CNST: variants seen among roughly 807,000 people sequenced by gnomAD.
The protein encoded by CNST is consortin.
A neutral mutation model predicts 72.4 loss-of-function variants in CNST; 39 were observed. The observed-to-expected ratio is 0.54, with a 90% CI of 0.42 to 0.70. CNST has a LOEUF of 0.70. Ranked by LOEUF, CNST falls within the 30% of genes least tolerant of loss-of-function variation. CNST has a pLI of 0.00. For synonymous variants in CNST, 332 were observed against 320.1 expected, an observed-to-expected ratio of 1.04 and a Z score of -0.40; for missense variants, 871 against 868.5, an observed-to-expected ratio of 1.00 and a Z score of -0.04.
chr1:246,665,619 A>G, intron 10 of CNST, 81 bp from the exon 11 acceptor site: 2 of 1,145,306 alleles, frequency 1.7e-6, no homozygotes, highest in African/African-American at 1.5e-5. Flanking sequence ...ATGTGTAGTT[A>G]TCTTAATTAG....
chr1:246,646,305 ATTTGC>A (rs1666069454), intron 8 of CNST, among the ~76,000 whole-genome samples: 1 of 149,434 alleles, frequency 6.7e-6, no homozygotes, highest in African/African-American at 2.5e-5. Context: ...GTTGCAAGTA[ATTTGC>A]AAACACATTT....
intron 8 of CNST, among the ~76,000 whole-genome samples, chr1:246,644,106 AAT>A (rs943328464): frequency 1.3e-5 from 2 of 152,142 alleles, no homozygotes; most frequent in Non-Finnish European, 2.9e-5. Flanking sequence ...TAAGCTATTA[AAT>A]AGTCTCATTT....
At chr1:246,645,973 C>A (rs1448236208) in intron 8 of CNST, among the ~76,000 whole-genome samples, 1 of 151,984 alleles carries the variant, frequency 6.6e-6, no homozygotes, top group Non-Finnish European at 1.5e-5. Flanking sequence ...TTATTGCTAC[C>A]CTTTGCTACC....
intron 3 of CNST, among the ~76,000 whole-genome samples, chr1:246,626,674 C>CT (rs1488990238): frequency 6.6e-6 from 1 of 151,896 alleles, no homozygotes; most frequent in African/African-American, 2.4e-5. Flanking sequence ...CCAGGCTGGT[C>CT]TCAAACTCCT....
chr1:246,625,890 CG>C (rs1011516685), intron 3 of CNST, among the ~76,000 whole-genome samples: 1 of 152,070 alleles, frequency 6.6e-6, no homozygotes, highest in Non-Finnish European at 1.5e-5. Flanking sequence ...TTGTTAAATC[CG>C]GTGGTCAGAC....
chr1:246,578,400 T>C (rs6675922), intron 1 of CNST, among the ~76,000 whole-genome samples: 1,595 of 152,118 alleles, frequency 0.01, 52 homozygotes, highest in African/African-American at 0.034. Flanking sequence ...CGGCTGGGCG[T>C]GGTGGCTCAC....
intron 9 of CNST, among the ~76,000 whole-genome samples, chr1:246,659,461 G>T (rs950073937): frequency 2.4e-4 from 37 of 152,186 alleles, no homozygotes; most frequent in African/African-American, 8.0e-4. Flanking sequence ...CGAGCATGGT[G>T]GCGGGTGCCT....
At chr1:246,644,146 A>G (rs1665892011) in intron 8 of CNST, among the ~76,000 whole-genome samples, 2 of 152,144 alleles carry the variant, frequency 1.3e-5, no homozygotes, top group South Asian at 4.1e-4. Context: ...CATGCCTGTA[A>G]TCCCAGCACT....
chr1:246,625,889 C>A (rs1457088294), intron 3 of CNST, among the ~76,000 whole-genome samples: 1 of 152,126 alleles, frequency 6.6e-6, no homozygotes, highest in Non-Finnish European at 1.5e-5. Context: ...GTTGTTAAAT[C>A]CGGTGGTCAG....
intron 10 of CNST, among the ~76,000 whole-genome samples, chr1:246,665,243 C>T (rs1220203231): frequency 6.6e-6 from 1 of 150,546 alleles, no homozygotes; most frequent in African/African-American, 2.4e-5. Context: ...CATGGTGGCA[C>T]AGGCCTGTAG....
At chr1:246,654,670 C>T (rs1315061765) in intron 9 of CNST, among the ~76,000 whole-genome samples, 1 of 152,186 alleles carries the variant, frequency 6.6e-6, no homozygotes, top group Non-Finnish European at 1.5e-5. Context: ...TAAATAACAG[C>T]CACTATACAC....
chr1:246,619,865 G>A (rs1002659335), intron 2 of CNST, among the ~76,000 whole-genome samples: 98 of 150,692 alleles, frequency 6.5e-4, no homozygotes, highest in African/African-American at 2.1e-3. Context: ...GCATACACAC[G>A]ATGGGCTCTG....
At chr1:246,613,445 C>T (rs1308853933) in intron 2 of CNST, among the ~76,000 whole-genome samples, 2 of 151,750 alleles carry the variant, frequency 1.3e-5, no homozygotes, top group East Asian at 1.9e-4. Flanking sequence ...TTTCAGTAAT[C>T]GTCTCTGAAT....
At chr1:246,652,426 A>G (rs915755741) in intron 9 of CNST, among the ~76,000 whole-genome samples, 9 of 152,236 alleles carry the variant, frequency 5.9e-5, no homozygotes, top group Non-Finnish European at 1.2e-4. Flanking sequence ...AATGTTGGAT[A>G]CATTTTACGA....
At chr1:246,572,944 C>T (rs114700345) in intron 1 of CNST, among the ~76,000 whole-genome samples, 3 of 152,056 alleles carry the variant, frequency 2.0e-5, no homozygotes, top group Non-Finnish European at 1.5e-5. Flanking sequence ...AAAAAGTTTA[C>T]TTAAATTGGA....
intron 10 of CNST, among the ~76,000 whole-genome samples, chr1:246,660,980 T>G (rs903254538): frequency 2.0e-5 from 3 of 147,276 alleles, no homozygotes; most frequent in Admixed American, 6.8e-5. Flanking sequence ...TGTTTTTTTG[T>G]TTTTTTTTTA....
At chr1:246,655,099 C>T (rs546792656) in intron 9 of CNST, among the ~76,000 whole-genome samples, 105 of 152,294 alleles carry the variant, frequency 6.9e-4, no homozygotes, top group Non-Finnish European at 1.2e-3. Flanking sequence ...TCTTGACATT[C>T]TCATTTCTTT....
At chr1:246,624,363 A>G (rs983225303) in intron 3 of CNST, among the ~76,000 whole-genome samples, 2 of 152,260 alleles carry the variant, frequency 1.3e-5, no homozygotes, top group African/African-American at 4.8e-5. Context: ...CCCTACCACA[A>G]GCTAAGTGGC....
rs551595642 is a variant in CNST at position 246,626,224 on chromosome 1, A to T, written c.585+4590A>T. Among the ~76,000 whole-genome samples the T allele has an allele frequency of 3.2e-4, 48 of 151,214 alleles. 2 individuals are homozygous for T. The highest frequency in any genetic ancestry group is 1.2e-3 in the African/African-American group (48 of 41,250). On this transcript the variant is annotated intron_variant, in intron 3 of 10. Coordinates refer to ENST00000366513, the MANE Select transcript of CNST (RefSeq NM_152609.3). ...GCCACCGTGCCCAGCTAATTTTTTT[A>T]TTTTTTTGTAGAGACGGGGTTTCAC...
Sources: allele counts gnomAD v4.1 joint callset (sites outside exome capture counted in the v4.1 genomes callset), GRCh38; gene constraint gnomAD v4.1.1; transcripts MANE v1.5; gene names NCBI Gene and HGNC (gene_info 2026-07-23, HGNC 2026-07-21).